The following ZNF780B variants were observed in gnomAD, a reference collection of about 807,000 sequenced individuals.
ZNF780B encodes the protein zinc finger protein 780B.
In ZNF780B, 52 loss-of-function variants were observed where a neutral mutation model predicts 74.1. That is an observed-to-expected ratio of 0.70 (90% CI 0.56 to 0.88). The LOEUF (loss-of-function observed/expected upper bound fraction) is 0.88, where lower values mean the gene tolerates loss of function less well. Among genes scored for constraint, ZNF780B ranks in the 40% least tolerant of loss-of-function variants. ZNF780B has a pLI of 0.00. For missense variants in ZNF780B, 953 were observed against 1,007.6 expected (o/e 0.95, Z 0.73); for synonymous variants, 315 against 324.3 (o/e 0.97, Z 0.31).
rs977161788 is a variant in ZNF780B at position 40,032,036 on chromosome 19, G to A, written c.*2321C>T. 1.1e-5 allele frequency: 5 copies of A among 455,724 alleles called. No homozygotes were observed. Among genetic ancestry groups the A allele is most frequent in the African/African-American group, 2.0e-5 (1 of 49,978 alleles). 28.2% of individuals were successfully genotyped at this position (455,724 alleles called of 1,614,324 possible). ...AAACGTTTAATCTAGACCTAAGAAA[G>A]CCTCTGGACTTACTTTCCCTTGTAA... On this transcript the variant is annotated 3_prime_UTR_variant, in exon 5 of 5. Coordinates refer to ENST00000434248, the MANE Select transcript of ZNF780B (RefSeq NM_001005851.3).
Position 40,035,620 on chromosome 19 carries a change from A to C in ZNF780B, c.1239T>G (p.Asp413Glu), listed in dbSNP as rs756689061. ...ACTCCTTACATTCATATGGTTTTAC[A>C]TCAGCATGAATACTCTGGTGTTGAA... ...NLIQHQSIHA[D>E]VKPYECKECG... The change falls in exon 5 of 5, where the codon GAT becomes GAG. Residue 413 changes from aspartate to glutamate, a missense_variant. Physicochemically the swap from Asp to Glu is conservative, Grantham distance 45. Coordinates refer to ENST00000434248, the MANE Select transcript of ZNF780B (RefSeq NM_001005851.3). The C allele has an allele frequency of 1.2e-6, 2 of 1,613,840 alleles. No individual in the cohort carries two copies. The highest frequency in any genetic ancestry group is 1.7e-6 in the Non-Finnish European group (2 of 1,180,014).
chr19:40,036,128 G>A lies in ZNF780B; in HGVS notation c.731C>T (p.Thr244Ile). The stretch of plus-strand genomic sequence containing the variant: ...CTTACATTCAAACAGTTTCTTAACT[G>A]TGTGAATGTTCTTATGGCGATTAAG... ...TQLNRHKNIH[T>I]VKKLFECKEC... The change falls in exon 5 of 5, where the codon ACA becomes ATA. Residue 244 changes from threonine (T) to isoleucine (I), a missense_variant. Transcript: ENST00000434248. 6.2e-7 allele frequency: 1 copy of A among 1,613,832 alleles called. No individual in the cohort carries two copies. The highest frequency in any genetic ancestry group is 1.1e-5 in the South Asian group (1 of 91,004).
chr19:40,043,609 GCGCCC>G (rs1156462594), intron 4 of ZNF780B, among the ~76,000 whole-genome samples: 1 of 152,232 alleles, frequency 6.6e-6, no homozygotes, highest in Non-Finnish European at 1.5e-5. Flanking sequence ...GCAATGGCAG[GCGCCC>G]CTCCTCCAGC....
At position 40,047,413 on chromosome 19, in the gene ZNF780B, C is replaced by T. The variant is rs1972980516; in HGVS notation, c.194G>A (p.Trp65Ter). ...GCTTGTTTCTTTACTTACAACAATCCAGGGCTCTTTCTCTTGCTCTAGTAA... is the reference window on the plus strand; with the variant it reads ...GCTTGTTTCTTTACTTACAACAATCTAGGGCTCTTTCTCTTGCTCTAGTAA... Reference protein sequence around the residue: ...ITLLEQEKEPWIVVSKETSRW... With the variant: ...ITLLEQEKEP Residue 65 changes from tryptophan (W) to a stop codon, truncating the protein, a stop_gained, in exon 4 of 5, where the codon TGG (tryptophan) becomes TAG (stop). Coordinates refer to ENST00000434248, the MANE Select transcript of ZNF780B (RefSeq NM_001005851.3). LOFTEE classifies it high-confidence loss of function. The T allele has an allele frequency of 6.2e-7, 1 of 1,613,902 alleles. No individual in the cohort carries two copies. Among genetic ancestry groups the T allele is most frequent in the African/African-American group, 1.3e-5 (1 of 75,000 alleles).
At chr19:40,037,402 G>A (rs530404947) in intron 4 of ZNF780B, among the ~76,000 whole-genome samples, 1 of 151,942 alleles carries the variant, frequency 6.6e-6, no homozygotes, top group Non-Finnish European at 1.5e-5. Flanking sequence ...TTTTTCTTTA[G>A]TCTTCCTGCA....
In ZNF780B at chr19:40,050,328, A is replaced by C. The variant is rs756487224; in HGVS notation, c.5T>G (p.Val2Gly). The change falls in exon 2 of 5, where the codon GTC becomes GGC. Residue 2 changes from valine (V) to glycine (G), a missense_variant. Coordinates refer to ENST00000434248, the MANE Select transcript of ZNF780B (RefSeq NM_001005851.3). ...AAGACAGAAACACCAACTTACATGG[A>C]CCATGTTTCTAGAATTACAAAATTG... MVHGSVTFRDVA... is the reference protein window; with the variant it reads MGHGSVTFRDVA... 3.8e-6 allele frequency: 6 copies of C among 1,596,714 alleles called. No homozygotes were observed. Among genetic ancestry groups the C allele is most frequent in the Middle Eastern group, 1.7e-4 (1 of 6,060 alleles).
chr19:40,035,215 C>A lies in ZNF780B; in HGVS notation c.1644G>T (p.Glu548Asp), dbSNP rs1291160102. The A allele has an allele frequency of 5.6e-6, 9 of 1,613,986 alleles. No individual in the cohort carries two copies. The South Asian group carries it at 9.9e-5, about 18-fold the overall frequency. ...AGGGTTTCTCACCTGTATGAGTTTT[C>A]TCATGTTGAGAAAGTTGTAGGTGAA... ...FRLHLQLSQH[E>D]KTHTGEKPFE... is the part of the protein sequence containing the mutation. The change falls in exon 5 of 5, where the codon GAG becomes GAT. Residue 548 changes from glutamate to aspartate, a missense_variant. Physicochemically the swap from Glu to Asp is conservative, Grantham distance 45. Transcript: ENST00000434248.
intron 3 of ZNF780B, 122 bp downstream of exon 3, chr19:40,048,548 T>G: frequency 1.3e-6 from 2 of 1,511,516 alleles, no homozygotes; most frequent in South Asian, 2.3e-5. Flanking sequence ...TCTCAATCCA[T>G]TCCTTCGGGA....
At chr19:40,054,474 T>C (rs1182596425) in intron 1 of ZNF780B, among the ~76,000 whole-genome samples, 1 of 152,192 alleles carries the variant, frequency 6.6e-6, no homozygotes, top group East Asian at 1.9e-4. Context: ...GTACATATAC[T>C]ATAAAACATC....
At chr19:40,052,369 A>G (rs1271768555) in intron 1 of ZNF780B, among the ~76,000 whole-genome samples, 1 of 152,206 alleles carries the variant, frequency 6.6e-6, no homozygotes, top group Non-Finnish European at 1.5e-5. Context: ...TGTTCTATCT[A>G]GATCAATGGA....
rs920415246 is a variant in ZNF780B, at chr19:40,030,839, C to T, written c.*3518G>A. 6.6e-6 allele frequency: 1 copy of T among 151,666 alleles called. No individual in the cohort carries two copies. The highest frequency in any genetic ancestry group is 1.5e-5 in the Non-Finnish European group (1 of 67,928). The allele number at this position is 151,666 out of a possible 1,614,324, so 9.4% of individuals were successfully genotyped here. A position where few individuals can be genotyped will look rare whatever the true frequency, so the allele number is the denominator to read the frequency against. On this transcript the variant is annotated 3_prime_UTR_variant, in exon 5 of 5. Transcript: ENST00000434248. ...TAATACCCAGGGACTCTGCTGATTT[C>T]AAAGAAGAAAGTTCAAGAGAATGGA...
chr19:40,052,117 A>G (rs148538088), intron 1 of ZNF780B, among the ~76,000 whole-genome samples: 20 of 152,332 alleles, frequency 1.3e-4, no homozygotes, highest in Admixed American at 1.3e-3. Flanking sequence ...TGATTTATAT[A>G]AGATCATTTA....
chr19:40,042,046 G>A (rs1021205991), intron 4 of ZNF780B, among the ~76,000 whole-genome samples: 3 of 152,114 alleles, frequency 2.0e-5, no homozygotes, highest in South Asian at 2.1e-4. Context: ...GGCTGGCACC[G>A]GTTGTTCCTT....
chr19:40,052,365 A>G (rs1279596905), intron 1 of ZNF780B, among the ~76,000 whole-genome samples: 2 of 152,188 alleles, frequency 1.3e-5, no homozygotes, highest in African/African-American at 2.4e-5. Context: ...TCAATGTTCT[A>G]TCTAGATCAA....
chr19:40,051,405 CTTG>C, intron 1 of ZNF780B, among the ~76,000 whole-genome samples: 1 of 152,178 alleles, frequency 6.6e-6, no homozygotes, highest in East Asian at 1.9e-4. Flanking sequence ...CTACTGAGCT[CTTG>C]TTTTTATGTA....
At chr19:40,048,633 G>A in intron 3 of ZNF780B, 37 bp downstream of exon 3, 1 of 1,614,034 alleles carries the variant, frequency 6.2e-7, no homozygotes, top group Non-Finnish European at 8.5e-7. Context: ...ATATTCCAGA[G>A]AACAGATACA....
chr19:40,046,030 T>G (rs1057292536), intron 4 of ZNF780B, among the ~76,000 whole-genome samples: 1 of 151,936 alleles, frequency 6.6e-6, no homozygotes, highest in Non-Finnish European at 1.5e-5. Context: ...CATTCATATC[T>G]GGAGGCTAAA....
chr19:40,040,311 C>T (rs1056706411), intron 4 of ZNF780B, among the ~76,000 whole-genome samples: 2 of 152,150 alleles, frequency 1.3e-5, no homozygotes, highest in African/African-American at 4.8e-5. Flanking sequence ...ATTCGGTTTG[C>T]CAGTATTTTA....
intron 4 of ZNF780B, among the ~76,000 whole-genome samples, chr19:40,043,115 C>T (rs1410765884): frequency 1.3e-5 from 2 of 152,212 alleles, no homozygotes; most frequent in Non-Finnish European, 2.9e-5. Context: ...AGTTTTCCTT[C>T]TAACAGACAG....
Sources: gnomAD v4.1 joint callset for allele counts (sites outside exome capture counted in the v4.1 genomes callset) on GRCh38, gnomAD v4.1.1 for gene constraint, MANE v1.5 for transcripts, NCBI Gene and HGNC (gene_info 2026-07-23, HGNC 2026-07-21) for gene names.